Variants in RBAK observed in about 807,000 individuals in gnomAD.
RBAK encodes RB associated KRAB zinc finger.
Under a neutral mutation model 65.8 loss-of-function variants are expected in RBAK, and 39 were observed. The observed-to-expected ratio is 0.59, with a 90% CI of 0.46 to 0.77. The LOEUF is 0.77. Ranked by LOEUF, RBAK falls within the 30% of genes least tolerant of loss-of-function variation. The pLI is 0.00. For synonymous variants in RBAK, 343 were observed against 289.7 expected (o/e 1.18, Z -1.87); for missense variants, 884 against 855.1 (o/e 1.03, Z -0.42).
In RBAK at chr7:5,050,256, T is replaced by C. The variant is rs144623852; in HGVS notation, c.15+2165T>C. ...TATGTCTCTTGCGTGCTCATTGTTT[T>C]GAAGAAACTGGGTTGGTTATCCTCA... On this transcript the variant is annotated intron_variant, in intron 2 of 4. Transcript: ENST00000396912. Among the ~76,000 whole-genome samples, 1,148 of 152,366 alleles carry C rather than the reference T, an allele frequency of 7.5e-3. 22 individuals carry two copies. The highest frequency in any genetic ancestry group is 0.027 in the African/African-American group (1,104 of 41,590).
chr7:5,049,814 C>T (rs1454047073), intron 2 of RBAK, among the ~76,000 whole-genome samples: 1 of 151,982 alleles, frequency 6.6e-6, no homozygotes, highest in East Asian at 1.9e-4. Flanking sequence ...ACCTCAGTCT[C>T]CTGGGCTCAC....
rs143889864 is a variant in RBAK at position 5,068,652 on chromosome 7, G to T, written c.*3051G>T. On this transcript the variant is annotated 3_prime_UTR_variant, in exon 5 of 5. Transcript: ENST00000396912. ...ATCGATAAAACCATTTTGAAAGCTG[G>T]CACTAAAAGCCAAGCATATGTATAC... is the stretch of plus-strand genomic sequence containing the variant. The T allele has an allele frequency of 6.6e-6, 1 of 152,190 alleles. No homozygotes were observed. The highest frequency in any genetic ancestry group is 1.9e-4 in the East Asian group (1 of 5,202). The allele number at this position is 152,190 out of a possible 1,614,324, so 9.4% of individuals were successfully genotyped here.
At position 5,064,286 on chromosome 7, in the gene RBAK, T is replaced by C; in HGVS notation, c.830T>C (p.Ile277Thr). The C allele has an allele frequency of 1.2e-6, 2 of 1,614,092 alleles. No homozygotes were observed. The highest frequency in any genetic ancestry group is 8.5e-7 in the Non-Finnish European group (1 of 1,179,998). The change falls in exon 5 of 5, where the codon ATC becomes ACC. Residue 277 changes from isoleucine to threonine, a missense_variant. By Grantham distance (89) the Ile-to-Thr change is moderately conservative. Coordinates refer to ENST00000396912, the MANE Select transcript of RBAK (RefSeq NM_021163.4). The surrounding 1 kb of genome is among the most constrained non-coding windows in gnomAD (Gnocchi z 6.3). Reference sequence around the variant, plus strand: ...TCCTTCTGTAAAAAGTCAAAATTCATCATCCACCAGAGGGCTCACACAGGA... The same window carrying C: ...TCCTTCTGTAAAAAGTCAAAATTCACCATCCACCAGAGGGCTCACACAGGA... ...GKSFCKKSKF[I>T]IHQRAHTGEK...
chr7:5,056,455 A>G (rs1474760564), intron 2 of RBAK, among the ~76,000 whole-genome samples: 1 of 151,546 alleles, frequency 6.6e-6, no homozygotes, highest in African/African-American at 2.4e-5. Context: ...CCCGTTTGCC[A>G]TTGGTACTTT....
chr7:5,062,185 C>T (rs1332381989), intron 4 of RBAK, among the ~76,000 whole-genome samples: 2 of 152,202 alleles, frequency 1.3e-5, no homozygotes, highest in East Asian at 1.9e-4. Flanking sequence ...TTTGCACGGA[C>T]ACCTAGCACC....
At position 5,046,111 on chromosome 7, in the gene RBAK, T is replaced by TGGCGGCGGAGGC; in HGVS notation, c.-328_-317dup. ...GGGGCCGGACGGGAGGTGGCGGAGG[T>TGGCGGCGGAGGC]GGCGGCGGAGGCGAAGGGGCGGCGG... is the stretch of plus-strand genomic sequence containing the variant. On this transcript the variant is annotated 5_prime_UTR_variant, in exon 1 of 5. Coordinates refer to ENST00000396912, the MANE Select transcript of RBAK (RefSeq NM_021163.4). 1 of 312,916 alleles carries TGGCGGCGGAGGC rather than the reference T, an allele frequency of 3.2e-6. No homozygotes were observed. Among genetic ancestry groups the TGGCGGCGGAGGC allele is most frequent in the South Asian group, 2.4e-5 (1 of 42,376 alleles). The allele number at this position is 312,916 out of a possible 1,614,324, so 19.4% of individuals were successfully genotyped here.
rs1004390110 is a variant in RBAK, at chr7:5,067,520, C to T, written c.*1919C>T. The T allele has an allele frequency of 1.3e-4, 20 of 152,248 alleles. No homozygotes were observed. The highest frequency in any genetic ancestry group is 4.6e-4 in the African/African-American group (19 of 41,550). The allele number at this position is 152,248 out of a possible 1,614,324, so 9.4% of individuals were successfully genotyped here. ...TTCCAGGACAATCTCAAAACTATTG[C>T]TTTTTCCTAAATTCATTGCAACCTT... On this transcript the variant is annotated 3_prime_UTR_variant, in exon 5 of 5. Transcript: ENST00000396912.
At position 5,065,664 on chromosome 7, in the gene RBAK, G is replaced by C; in HGVS notation, c.*63G>C. ...ATGAATATGGGGAATCCAATAGGAAGTCAAAGCGTTTATCTGAGAGTTCGT... is the reference window on the plus strand; with the variant it reads ...ATGAATATGGGGAATCCAATAGGAACTCAAAGCGTTTATCTGAGAGTTCGT... On this transcript the variant is annotated 3_prime_UTR_variant, in exon 5 of 5. Transcript: ENST00000396912. This position sits in a 1 kb window ranked among gnomAD's most constrained non-coding sequence, Gnocchi z 5.3. 4 of 1,240,692 alleles carry C rather than the reference G, an allele frequency of 3.2e-6. No homozygotes were observed. The Admixed American group carries it at 1.1e-4, about 33-fold the overall frequency. The allele number at this position is 1,240,692 out of a possible 1,614,324, so 76.9% of individuals were successfully genotyped here. A position where few individuals can be genotyped will look rare whatever the true frequency, so the allele number is the denominator to read the frequency against.
rs1779294128 is a variant in RBAK, at chr7:5,069,185, G to T, written c.*3584G>T. ...AAAATCACAAATGGCTAACATTTGT[G>T]TCGCTCATCACTCTAATCATATTTT... is the stretch of plus-strand genomic sequence containing the variant. On this transcript the variant is annotated 3_prime_UTR_variant, in exon 5 of 5. Coordinates refer to ENST00000396912, the MANE Select transcript of RBAK (RefSeq NM_021163.4). 1 of 152,152 alleles carries T rather than the reference G, an allele frequency of 6.6e-6. No individual in the cohort carries two copies. The highest frequency in any genetic ancestry group is 2.1e-4 in the South Asian group (1 of 4,828). 9.4% of individuals were successfully genotyped at this position (152,152 alleles called of 1,614,324 possible).
Position 5,064,428 on chromosome 7 carries a change from A to G in RBAK, c.972A>G (p.Lys324=), listed in dbSNP as rs1779163480. The G allele has an allele frequency of 6.2e-7, 1 of 1,614,144 alleles. No homozygotes were observed. The highest frequency in any genetic ancestry group is 8.5e-7 in the Non-Finnish European group (1 of 1,179,996). The part of the protein sequence containing the change: ...EKPYKCNECG[K]TFCQKLHLTQ... ...CCTATAAATGTAATGAATGTGGGAA[A>G]ACCTTTTGTCAGAAGTTACACCTCA... The change falls in exon 5 of 5, where the codon AAA becomes AAG. Residue 324 remains lysine, a synonymous_variant. Transcript: ENST00000396912. The surrounding 1 kb of genome is among the most constrained non-coding windows in gnomAD (Gnocchi z 6.3).
Position 5,064,234 on chromosome 7 carries a change from C to T in RBAK, c.778C>T (p.Pro260Ser). The change falls in exon 5 of 5, where the codon CCC (proline) becomes TCC (serine). Residue 260 changes from proline (P) to serine (S), a missense_variant. Transcript: ENST00000396912. This position sits in a 1 kb window ranked among gnomAD's most constrained non-coding sequence, Gnocchi z 6.3. ...TCAGAGATCACAAATGGAAATGAAGCCCTTTGAATGCAGTGAATGTGGAAA... is the reference window on the plus strand; with the variant it reads ...TCAGAGATCACAAATGGAAATGAAGTCCTTTGAATGCAGTGAATGTGGAAA... ...AYQRSQMEMK[P>S]FECSECGKSF... 1 of 1,614,002 alleles carries T rather than the reference C, an allele frequency of 6.2e-7. No homozygotes were observed. Among genetic ancestry groups the T allele is most frequent in the East Asian group, 2.2e-5 (1 of 44,876 alleles).
chr7:5,064,824 C>A lies in RBAK; in HGVS notation c.1368C>A (p.Pro456=), dbSNP rs765413482. 1 of 1,614,038 alleles carries A rather than the reference C, an allele frequency of 6.2e-7. No individual in the cohort carries two copies. Among genetic ancestry groups the A allele is most frequent in the South Asian group, 1.1e-5 (1 of 91,080 alleles). ...IHYRSHLEEK[P]YECNECGKTF... ...ATAGAAGTCATTTAGAAGAGAAACC[C>A]TATGAATGTAATGAATGTGGCAAAA... The change falls in exon 5 of 5, where the codon CCC becomes CCA. Residue 456 remains proline, a synonymous_variant. Transcript: ENST00000396912. The surrounding 1 kb of genome is among the most constrained non-coding windows in gnomAD (Gnocchi z 6.3).
At chr7:5,057,910 C>G in intron 4 of RBAK, 131 bp downstream of exon 4, 1 of 879,330 alleles carries the variant, frequency 1.1e-6, no homozygotes. Flanking sequence ...TTCCTTCCCG[C>G]ACACATACAT....
At chr7:5,052,841 C>A (rs1311833976) in intron 2 of RBAK, among the ~76,000 whole-genome samples, 1 of 152,120 alleles carries the variant, frequency 6.6e-6, no homozygotes, top group Non-Finnish European at 1.5e-5. Flanking sequence ...CTCACTGCAA[C>A]CTCTGCCTCC....
chr7:5,064,353 C>A lies in RBAK; in HGVS notation c.897C>A (p.Ser299Arg). The A allele has an allele frequency of 6.2e-7, 1 of 1,613,904 alleles. No homozygotes were observed. The highest frequency in any genetic ancestry group is 8.5e-7 in the Non-Finnish European group (1 of 1,179,928). The part of the protein sequence containing the change: ...YECNVCGKSF[S>R]QKGTLTVHRR... ...GTAATGTATGTGGGAAATCCTTCAG[C>A]CAAAAGGGAACCCTCACTGTACATC... The change falls in exon 5 of 5, where the codon AGC (serine) becomes AGA (arginine). Residue 299 changes from serine to arginine, a missense_variant. Physicochemically the swap from Ser to Arg is moderately radical, Grantham distance 110. Transcript: ENST00000396912. This position sits in a 1 kb window ranked among gnomAD's most constrained non-coding sequence, Gnocchi z 6.3.
At position 5,065,565 on chromosome 7, in the gene RBAK, A is replaced by G. The variant is rs1477124392; in HGVS notation, c.2109A>G (p.Arg703=). The change falls in exon 5 of 5, where the codon AGA becomes AGG. Residue 703 remains arginine (R), a synonymous_variant. Transcript: ENST00000396912. This position sits in a 1 kb window ranked among gnomAD's most constrained non-coding sequence, Gnocchi z 5.3. ...AFNSHQRIHR[R]GNMNVLDVEN... is the part of the protein sequence containing the mutation. ...ATAGCCATCAGAGAATTCATAGAAGAGGAAATATGAACGTACTTGATGTGG... is the reference window on the plus strand; with the variant it reads ...ATAGCCATCAGAGAATTCATAGAAGGGGAAATATGAACGTACTTGATGTGG... 1.3e-6 allele frequency: 2 copies of G among 1,549,924 alleles called. No homozygotes were observed. Among genetic ancestry groups the G allele is most frequent in the Admixed American group, 2.1e-5 (1 of 47,730 alleles).
At position 5,046,155 on chromosome 7, in the gene RBAK, G is replaced by A. The variant is rs1243207008; in HGVS notation, c.-286G>A. On this transcript the variant is annotated 5_prime_UTR_variant, in exon 1 of 5. It adds an upstream start codon to the 5' untranslated region. Transcript: ENST00000396912. ...GCGGCGGGACGCGGGCCTGGCCCGT[G>A]TGTGTCCTGGCGGCCTGGCCCAGGC... is the stretch of plus-strand genomic sequence containing the variant. 1 of 415,124 alleles carries A rather than the reference G, an allele frequency of 2.4e-6. No individual in the cohort carries two copies. Among genetic ancestry groups the A allele is most frequent in the Admixed American group, 2.6e-5 (1 of 37,892 alleles). The allele number at this position is 415,124 out of a possible 1,614,324, so 25.7% of individuals were successfully genotyped here. A position where few individuals can be genotyped will look rare whatever the true frequency, so the allele number is the denominator to read the frequency against.
rs539893422 is a variant in RBAK, at chr7:5,052,941, G to C, written c.16-4354G>C. 5.3e-5 allele frequency among the ~76,000 whole-genome samples: 8 copies of C among 152,170 alleles called. No individual in the cohort carries two copies. In the East Asian group the frequency reaches 1.5e-3, roughly 29 times the overall value. On this transcript the variant is annotated intron_variant, in intron 2 of 4. Coordinates refer to ENST00000396912, the MANE Select transcript of RBAK (RefSeq NM_021163.4). ...CACCCGGCTAATTTTGGTATTTTTAGTAGAGATGAGGTTTCACCATGTTGG... is the reference window on the plus strand; with the variant it reads ...CACCCGGCTAATTTTGGTATTTTTACTAGAGATGAGGTTTCACCATGTTGG...
Position 5,063,852 on chromosome 7 carries a change from A to G in RBAK, c.396A>G (p.Ile132Met). Residue 132 changes from isoleucine (I) to methionine (M), a missense_variant, in exon 5 of 5, where the codon ATA (isoleucine) becomes ATG (methionine). Ile to Met is a conservative substitution (Grantham distance 10, BLOSUM62 1). Transcript: ENST00000396912. The part of the protein sequence containing the change: ...YMETSLVPSS[I>M]IAHNCVSCGK... ...AAACAAGCCTTGTTCCTTCAAGCATAATAGCTCATAATTGTGTCTCATGTG... is the reference window on the plus strand; with the variant it reads ...AAACAAGCCTTGTTCCTTCAAGCATGATAGCTCATAATTGTGTCTCATGTG... 1 of 1,614,088 alleles carries G rather than the reference A, an allele frequency of 6.2e-7. No homozygotes were observed. The highest frequency in any genetic ancestry group is 8.5e-7 in the Non-Finnish European group (1 of 1,179,996).
Sources: allele counts gnomAD v4.1 joint callset (sites outside exome capture counted in the v4.1 genomes callset), GRCh38; gene constraint gnomAD v4.1.1; non-coding constraint Gnocchi (gnomAD v3.1); transcripts MANE v1.5; gene names NCBI Gene and HGNC (gene_info 2026-07-23, HGNC 2026-07-21).